Variants in SPAG17 observed in about 807,000 individuals in gnomAD.
SPAG17 encodes sperm-associated antigen 17.
Under a neutral mutation model 273.6 loss-of-function variants are expected in SPAG17, and 169 were observed. The ratio of observed to expected loss-of-function variants is 0.62; its 90% CI spans 0.55 to 0.70. The LOEUF (loss-of-function observed/expected upper bound fraction) is 0.70. SPAG17 is among the 30% of genes least tolerant of loss of function. The pLI, the probability that SPAG17 is intolerant of heterozygous loss-of-function variation, is 0.00. For synonymous variants in SPAG17, 825 were observed against 873.2 expected, an observed-to-expected ratio of 0.94 and a Z score of 0.97; for missense variants, 2,557 against 2,627.8, an observed-to-expected ratio of 0.97 and a Z score of 0.59.
intron 4 of SPAG17, among the ~76,000 whole-genome samples, chr1:118,109,524 C>T (rs535064226): frequency 8.7e-5 from 13 of 150,090 alleles, no homozygotes; most frequent in African/African-American, 2.7e-4. Context: ...CACTGTACTC[C>T]AGCCTGGGCA....
intron 3 of SPAG17, among the ~76,000 whole-genome samples, chr1:118,148,024 G>A (rs955810888): frequency 6.6e-6 from 1 of 152,170 alleles, no homozygotes; most frequent in Non-Finnish European, 1.5e-5. Context: ...AAATACAGGT[G>A]TTTAAATGCA....
At chr1:118,181,041 T>C (rs1301488478) in intron 1 of SPAG17, among the ~76,000 whole-genome samples, 1 of 151,906 alleles carries the variant, frequency 6.6e-6, no homozygotes, top group Non-Finnish European at 1.5e-5. Context: ...ATATAAGCAA[T>C]TGATATTAAG....
At chr1:118,101,680 A>G (rs1656071918) in intron 5 of SPAG17, 60 bp downstream of exon 5, 21 of 1,525,522 alleles carry the variant, frequency 1.4e-5, no homozygotes, top group Non-Finnish European at 1.9e-5. Context: ...AACTGGTCTC[A>G]TTTTATTGCC....
At chr1:118,147,094 T>A (rs1659044807) in intron 3 of SPAG17, among the ~76,000 whole-genome samples, 1 of 152,326 alleles carries the variant, frequency 6.6e-6, no homozygotes, top group Non-Finnish European at 1.5e-5. Context: ...ATTGAATGCC[T>A]ACCACGCGCC....
At chr1:118,113,647 C>T (rs1656901386) in intron 4 of SPAG17, among the ~76,000 whole-genome samples, 1 of 151,954 alleles carries the variant, frequency 6.6e-6, no homozygotes. Context: ...CTCTTAATTG[C>T]TCAAAAGTTC....
rs759082358 is a variant in SPAG17, at chr1:118,005,640, T to C, written c.4588-38A>G. 4 of 1,366,516 alleles carry C rather than the reference T, an allele frequency of 2.9e-6. No homozygotes were observed. The Admixed American group carries it at 1.2e-4, about 40-fold the overall frequency. The allele number at this position is 1,366,516 out of a possible 1,614,324, so 84.6% of individuals were successfully genotyped here. A position where few individuals can be genotyped will look rare whatever the true frequency, so the allele number is the denominator to read the frequency against. ...CAGAAAGACAGAAATTATTAAAATT[T>C]TCTTGTTAAATATGTGGGACTTGGA... On this transcript the variant is annotated intron_variant, in intron 31 of 48. Coordinates refer to ENST00000336338, the MANE Select transcript of SPAG17 (RefSeq NM_206996.4).
intron 48 of SPAG17, 90 bp downstream of exon 48, chr1:117,963,709 C>G: frequency 1.6e-6 from 2 of 1,258,316 alleles, no homozygotes; most frequent in Non-Finnish European, 2.2e-6. Flanking sequence ...TTATAGGTTT[C>G]TGACTATAAG....
Position 118,081,211 on chromosome 1 carries a change from T to C in SPAG17, c.2099A>G (p.Asn700Ser), listed in dbSNP as rs1414611665. 6.2e-7 allele frequency: 1 copy of C among 1,614,084 alleles called. No homozygotes were observed. Among genetic ancestry groups the C allele is most frequent in the African/African-American group, 1.3e-5 (1 of 75,048 alleles). ...EPSDPSQCDA[N>S]NMKHSDLNNL... ...ATTCAAGTCAGAATGCTTCATATTG[T>C]TAGCATCACACTGACTAGGATCTGA... is the stretch of plus-strand genomic sequence containing the variant. Residue 700 changes from asparagine (N) to serine (S), a missense_variant, in exon 15 of 49, where the codon AAC becomes AGC. Coordinates refer to ENST00000336338, the MANE Select transcript of SPAG17 (RefSeq NM_206996.4).
intron 48 of SPAG17, among the ~76,000 whole-genome samples, chr1:117,958,447 T>G (rs948737782): frequency 1.3e-5 from 2 of 152,230 alleles, no homozygotes; most frequent in East Asian, 3.8e-4. Context: ...TATGGATGGG[T>G]ACTACCTGAC....
chr1:117,981,370 TTTC>T lies in SPAG17; in HGVS notation c.5901_5903del (p.Lys1968del), dbSNP rs1655780976. ...TTGGAAGACTAGGCACACTTGAGGA[TTTC>T]TGTTCTGAAACCTTATGTGGCTTGA... On this transcript the variant is annotated inframe_deletion, in exon 43 of 49. Transcript: ENST00000336338. The T allele has an allele frequency of 6.2e-7, 1 of 1,600,162 alleles. No homozygotes were observed. Among genetic ancestry groups the T allele is most frequent in the South Asian group, 1.1e-5 (1 of 87,556 alleles).
At chr1:118,046,555 T>A (rs887794670) in intron 20 of SPAG17, among the ~76,000 whole-genome samples, 1 of 152,172 alleles carries the variant, frequency 6.6e-6, no homozygotes, top group African/African-American at 2.4e-5. Flanking sequence ...ATATAACAAG[T>A]TAAATTTCTA....
intron 3 of SPAG17, among the ~76,000 whole-genome samples, chr1:118,146,375 C>T (rs932070456): frequency 1.3e-5 from 2 of 152,144 alleles, no homozygotes; most frequent in Non-Finnish European, 2.9e-5. Flanking sequence ...GGCCATAAAG[C>T]ATACATACAC....
At chr1:118,027,387 C>T (rs952709250) in intron 26 of SPAG17, among the ~76,000 whole-genome samples, 8 of 152,042 alleles carry the variant, frequency 5.3e-5, no homozygotes, top group Admixed American at 1.3e-4. Context: ...ATAAGCATAG[C>T]GTTTTTCTTT....
chr1:118,010,677 C>A (rs530421113), intron 30 of SPAG17, among the ~76,000 whole-genome samples: 4 of 152,212 alleles, frequency 2.6e-5, no homozygotes, highest in Admixed American at 6.5e-5. Context: ...GACAAAGATA[C>A]CAAAAGCAAT....
At chr1:117,955,398 CA>C in intron 48 of SPAG17, 2 of 1,592,024 alleles carry the variant, frequency 1.3e-6, no homozygotes, top group Non-Finnish European at 1.7e-6. Flanking sequence ...AATCTGTCAG[CA>C]AACATTTATG....
chr1:117,956,076 T>G (rs1652154032), intron 48 of SPAG17, among the ~76,000 whole-genome samples: 1 of 152,178 alleles, frequency 6.6e-6, no homozygotes, highest in Admixed American at 6.5e-5. Context: ...TCATTTCTTT[T>G]GACTATTAAT....
intron 40 of SPAG17, 91 bp downstream of exon 40, chr1:117,987,743 G>T: frequency 7.9e-7 from 1 of 1,263,704 alleles, no homozygotes; most frequent in East Asian, 2.3e-5. Context: ...ATAACATCTG[G>T]GTGCCTGGCA....
At chr1:117,989,121 ATT>A (rs1210189553) in intron 38 of SPAG17, among the ~76,000 whole-genome samples, 1 of 152,194 alleles carries the variant, frequency 6.6e-6, no homozygotes, top group Non-Finnish European at 1.5e-5. Flanking sequence ...TTAAATTTGA[ATT>A]TCAAATAAAC....
intron 3 of SPAG17, among the ~76,000 whole-genome samples, chr1:118,148,820 G>A (rs1194238630): frequency 6.6e-6 from 1 of 152,180 alleles, no homozygotes; most frequent in Non-Finnish European, 1.5e-5. Flanking sequence ...CAACTACCAT[G>A]CAGCTCTGCA....
Sources: allele counts gnomAD v4.1 joint callset (sites outside exome capture counted in the v4.1 genomes callset), GRCh38; gene constraint gnomAD v4.1.1; transcripts MANE v1.5; gene names NCBI Gene and HGNC (gene_info 2026-07-23, HGNC 2026-07-21).